Variants in IRS1 observed in about 807,000 individuals in gnomAD.
The protein encoded by IRS1 is insulin receptor substrate 1.
Under a neutral mutation model 65.6 loss-of-function variants are expected in IRS1, and 34 were observed. The ratio of observed to expected loss-of-function variants is 0.52; its 90% CI spans 0.39 to 0.69. IRS1 has a LOEUF of 0.69. Ranked by LOEUF, IRS1 falls within the 30% of genes least tolerant of loss-of-function variation. The probability of loss-of-function intolerance (pLI) is 0.00; values close to 1 mark genes in which losing one functional copy is unlikely to be tolerated. For missense variants in IRS1, 1,641 were observed against 1,720.2 expected, an observed-to-expected ratio of 0.95 and a Z score of 0.81; for synonymous variants, 699 against 683.5, an observed-to-expected ratio of 1.02 and a Z score of -0.35.
chr2:226,786,368 TAAC>T (rs777309906), intron 1 of IRS1, among the ~76,000 whole-genome samples: 11 of 151,624 alleles, frequency 7.3e-5, no homozygotes, highest in Non-Finnish European at 1.2e-4. Context: ...CCTTTAAAAG[TAAC>T]AACAACAACA....
At chr2:226,740,597 C>G (rs1029529425) in intron 1 of IRS1, among the ~76,000 whole-genome samples, 3 of 152,188 alleles carry the variant, frequency 2.0e-5, no homozygotes, top group Non-Finnish European at 4.4e-5. Context: ...TCTGTACACT[C>G]AGCAATGCAT....
chr2:226,769,775 A>T (rs982659980), intron 1 of IRS1, among the ~76,000 whole-genome samples: 1 of 152,250 alleles, frequency 6.6e-6, no homozygotes, highest in African/African-American at 2.4e-5. Flanking sequence ...AAAATTAGTC[A>T]TAAGCCAATG....
At chr2:226,793,030 A>T (rs1574662666) in intron 1 of IRS1, among the ~76,000 whole-genome samples, 2 of 152,258 alleles carry the variant, frequency 1.3e-5, no homozygotes, top group Non-Finnish European at 2.9e-5. Context: ...TTATATGATT[A>T]TTCCAGAATA....
chr2:226,773,875 A>G (rs1939213083), intron 1 of IRS1, among the ~76,000 whole-genome samples: 1 of 152,220 alleles, frequency 6.6e-6, no homozygotes. Context: ...GTAAAGGTTC[A>G]AAAGTACTTG....
intron 1 of IRS1, among the ~76,000 whole-genome samples, chr2:226,747,894 G>C (rs1240109574): frequency 6.6e-6 from 1 of 152,080 alleles, no homozygotes; most frequent in Non-Finnish European, 1.5e-5. Flanking sequence ...GAGGAGAGAT[G>C]CTACTGGCTT....
At chr2:226,765,595 G>A (rs1050655703) in intron 1 of IRS1, among the ~76,000 whole-genome samples, 5 of 152,178 alleles carry the variant, frequency 3.3e-5, no homozygotes, top group Non-Finnish European at 7.3e-5. Flanking sequence ...GCTCACAGGA[G>A]TAAAGTATCC....
chr2:226,736,906 C>T (rs75670610), intron 1 of IRS1, among the ~76,000 whole-genome samples: 77 of 152,082 alleles, frequency 5.1e-4, no homozygotes, highest in East Asian at 5.0e-3. Context: ...GGTCACTATC[C>T]GTGATTCCCC....
intron 1 of IRS1, among the ~76,000 whole-genome samples, chr2:226,739,621 C>G (rs1159262002): frequency 6.6e-6 from 1 of 152,164 alleles, no homozygotes; most frequent in African/African-American, 2.4e-5. Context: ...ACCGAAGTTC[C>G]AAAATCAGAG....
Position 226,795,566 on chromosome 2 carries a change from G to A in IRS1, c.3173C>T (p.Ser1058Phe). ...QGAAELAAHS[S>F]LLGGPQGPGG... ...AGGTCCTTGTGGGCCCCCCAGCAGGGACGAGTGGGCAGCCAGCTCTGCTGC... is the reference window on the plus strand; with the variant it reads ...AGGTCCTTGTGGGCCCCCCAGCAGGAACGAGTGGGCAGCCAGCTCTGCTGC... The change falls in exon 1 of 2, where the codon TCC (serine) becomes TTC (phenylalanine). Residue 1058 changes from serine to phenylalanine, a missense_variant. Transcript: ENST00000305123. The A allele has an allele frequency of 6.2e-7, 1 of 1,613,014 alleles. No homozygotes were observed. The highest frequency in any genetic ancestry group is 1.1e-5 in the South Asian group (1 of 91,082).
Position 226,799,615 on chromosome 2 carries a change from C to A in IRS1, c.-877G>T. ...GTTTGGGAAGGGTTCGGGGAAGACG[C>A]CTGTTCCTCGGGAGGCGCTGCCGCT... On this transcript the variant is annotated 5_prime_UTR_variant, in exon 1 of 2. Coordinates refer to ENST00000305123, the MANE Select transcript of IRS1 (RefSeq NM_005544.3). The surrounding 1 kb of genome is among the most constrained non-coding windows in gnomAD (Gnocchi z 6.1). The A allele has an allele frequency of 2.0e-6, 2 of 1,004,364 alleles. No individual in the cohort carries two copies. The highest frequency in any genetic ancestry group is 2.4e-6 in the Non-Finnish European group (2 of 832,742). 62.2% of individuals were successfully genotyped at this position (1,004,364 alleles called of 1,614,324 possible).
At chr2:226,791,377 G>C (rs367650127) in intron 1 of IRS1, among the ~76,000 whole-genome samples, 1 of 152,156 alleles carries the variant, frequency 6.6e-6, no homozygotes, top group African/African-American at 2.4e-5. Flanking sequence ...AGAGAGAAGG[G>C]AAACAAAATG....
chr2:226,794,206 A>G lies in IRS1; in HGVS notation c.*21+783T>C, dbSNP rs1939663488. ...CAGACATCCTAGGATGAACTCCCAT[A>G]ACTCTTAATAATGGGTCCCAGACAC... is the stretch of plus-strand genomic sequence containing the variant. On this transcript the variant is annotated intron_variant, in intron 1 of 1. Coordinates refer to ENST00000305123, the MANE Select transcript of IRS1 (RefSeq NM_005544.3). The surrounding 1 kb of genome is among the most constrained non-coding windows in gnomAD (Gnocchi z 4.1). 6.6e-6 allele frequency among the ~76,000 whole-genome samples: 1 copy of G among 152,220 alleles called. No individual in the cohort carries two copies.
chr2:226,764,297 A>C (rs1938983051), intron 1 of IRS1, among the ~76,000 whole-genome samples: 1 of 151,942 alleles, frequency 6.6e-6, no homozygotes, highest in Non-Finnish European at 1.5e-5. Flanking sequence ...TAATCCCAGT[A>C]GTTTGGGAGG....
intron 1 of IRS1, among the ~76,000 whole-genome samples, chr2:226,786,669 A>AC (rs1346123918): frequency 6.6e-6 from 1 of 151,098 alleles, no homozygotes; most frequent in Non-Finnish European, 1.5e-5. Context: ...AACAACAACA[A>AC]AAAAAAACCA....
chr2:226,791,877 A>G (rs1308364348), intron 1 of IRS1, among the ~76,000 whole-genome samples: 1 of 152,004 alleles, frequency 6.6e-6, no homozygotes, highest in Non-Finnish European at 1.5e-5. Context: ...CGGGGGCGGG[A>G]GACCCGAGGG....
intron 1 of IRS1, among the ~76,000 whole-genome samples, chr2:226,751,303 A>ATTTTT (rs1938674577): frequency 2.2e-5 from 1 of 45,046 alleles, no homozygotes; most frequent in African/African-American, 1.1e-4. Flanking sequence ...TTTTTTTTTG[A>ATTTTT]GACAGAGTCT....
intron 1 of IRS1, among the ~76,000 whole-genome samples, chr2:226,768,887 G>T (rs950168997): frequency 7.2e-5 from 11 of 152,022 alleles, no homozygotes; most frequent in Non-Finnish European, 1.6e-4. Context: ...TGCCTGCCTC[G>T]GCCTCCCAAA....
rs1007896903 is a variant in IRS1 at position 226,796,421 on chromosome 2, T to C, written c.2318A>G (p.His773Arg). The change falls in exon 1 of 2, where the codon CAC becomes CGC. Residue 773 changes from histidine to arginine, a missense_variant. His to Arg is a conservative substitution (Grantham distance 29). Around this residue, in one of 3 missense-constraint regions of IRS1, gnomAD observed 1,324 missense variants for 1,361.0 expected, o/e 0.97. Coordinates refer to ENST00000305123, the MANE Select transcript of IRS1 (RefSeq NM_005544.3). ...SYYSLPRSFK[H>R]TQRPGEPEEG... Reference sequence around the variant, plus strand: ...CTCCGGCTCCCCGGGGCGCTGGGTGTGCTTAAAGGATCTTGGCAATGAGTA... The same window carrying C: ...CTCCGGCTCCCCGGGGCGCTGGGTGCGCTTAAAGGATCTTGGCAATGAGTA... The C allele has an allele frequency of 3.7e-6, 6 of 1,613,566 alleles. No homozygotes were observed. The highest frequency in any genetic ancestry group is 2.2e-5 in the East Asian group (1 of 44,880).
At chr2:226,747,433 C>G (rs1471549811) in intron 1 of IRS1, among the ~76,000 whole-genome samples, 2 of 152,084 alleles carry the variant, frequency 1.3e-5, no homozygotes, top group Non-Finnish European at 2.9e-5. Context: ...CTCTCTACCA[C>G]AGGAGGCTAC....
Sources: gnomAD v4.1 joint callset for allele counts (sites outside exome capture counted in the v4.1 genomes callset) on GRCh38, gnomAD v4.1.1 for gene constraint, gnomAD v4.1.1 regional missense constraint, Gnocchi (gnomAD v3.1) non-coding constraint, MANE v1.5 for transcripts, NCBI Gene and HGNC (gene_info 2026-07-23, HGNC 2026-07-21) for gene names.